The following CHD6 variants were observed in gnomAD, a reference collection of about 807,000 sequenced individuals.
CHD6 encodes ATP-dependent chromatin remodeler CHD6.
Under a neutral mutation model 276.9 loss-of-function variants are expected in CHD6, and 50 were observed. The ratio of observed to expected loss-of-function variants is 0.18; its 90% CI spans 0.14 to 0.23. The LOEUF (loss-of-function observed/expected upper bound fraction) is 0.23, where lower values mean the gene tolerates loss of function less well. Among genes scored for constraint, CHD6 ranks in the 10% least tolerant of loss-of-function variants. CHD6 has a pLI of 1.00. For missense variants in CHD6, 2,564 were observed against 3,365.8 expected (o/e 0.76, Z 5.89); for synonymous variants, 1,173 against 1,229.3 (o/e 0.95, Z 0.96).
At chr20:41,580,051 A>G (rs1294852360) in intron 1 of CHD6, among the ~76,000 whole-genome samples, 1 of 152,230 alleles carries the variant, frequency 6.6e-6, no homozygotes, top group Non-Finnish European at 1.5e-5. Context: ...TTAACTGACT[A>G]TATCATAGAT....
chr20:41,424,885 C>T (rs1160037032), intron 29 of CHD6, among the ~76,000 whole-genome samples: 1 of 152,218 alleles, frequency 6.6e-6, no homozygotes, highest in Non-Finnish European at 1.5e-5. Context: ...TGACACATTC[C>T]ATTGTGGTGT....
At chr20:41,438,977 T>A (rs2047808470) in intron 26 of CHD6, among the ~76,000 whole-genome samples, 1 of 152,230 alleles carries the variant, frequency 6.6e-6, no homozygotes, top group Non-Finnish European at 1.5e-5. Context: ...CAGTGCCACA[T>A]TCTCAGGTCT....
chr20:41,405,756 G>T (rs1461588227), intron 36 of CHD6, among the ~76,000 whole-genome samples: 1 of 152,102 alleles, frequency 6.6e-6, no homozygotes, highest in African/African-American at 2.4e-5. Context: ...CATGCTGACT[G>T]GCAAAAGTGG....
At chr20:41,546,797 T>C (rs1194568053) in intron 2 of CHD6, among the ~76,000 whole-genome samples, 1 of 152,250 alleles carries the variant, frequency 6.6e-6, no homozygotes, top group Non-Finnish European at 1.5e-5. Context: ...TTAATGTAGA[T>C]AAAAGTCTAT....
At chr20:41,553,704 T>C (rs1355340617) in intron 1 of CHD6, among the ~76,000 whole-genome samples, 1 of 152,256 alleles carries the variant, frequency 6.6e-6, no homozygotes, top group Non-Finnish European at 1.5e-5. Context: ...TGCGATTGCG[T>C]ACCCTTTCTG....
At chr20:41,612,416 T>C (rs2045895770) in intron 1 of CHD6, among the ~76,000 whole-genome samples, 1 of 152,216 alleles carries the variant, frequency 6.6e-6, no homozygotes, top group African/African-American at 2.4e-5. Flanking sequence ...CTAAATCCCT[T>C]AAGTGATATT....
At chr20:41,568,431 T>C (rs1403747403) in intron 1 of CHD6, among the ~76,000 whole-genome samples, 4 of 152,226 alleles carry the variant, frequency 2.6e-5, no homozygotes, top group Non-Finnish European at 5.9e-5. Flanking sequence ...AGACAATACT[T>C]AGCAGAGAAA....
Position 41,533,158 on chromosome 20 carries a change from T to C in CHD6, c.446A>G (p.Asp149Gly), listed in dbSNP as rs572870848. 1.5e-5 allele frequency: 24 copies of C among 1,614,156 alleles called. No homozygotes were observed. Among genetic ancestry groups the C allele is most frequent in the Non-Finnish European group, 2.0e-5 (24 of 1,180,042 alleles). The change falls in exon 3 of 37, where the codon GAT becomes GGT. Residue 149 changes from aspartate to glycine, a missense_variant. Around this residue, in one of 7 missense-constraint regions of CHD6, gnomAD observed 286 missense variants for 297.8 expected, o/e 0.96. Transcript: ENST00000373233. ...GGGCTTCCGTGCCTTCTTTGCCCCA[T>C]CTTTTTGCTTCGGCTCCTTGTGCTC... ...AKEHKEPKQK[D>G]GAKKARKPRE... is the part of the protein sequence containing the mutation.
In CHD6 at chr20:41,456,103, T is replaced by A. The variant is rs867312212; in HGVS notation, c.2830-124A>T. 102 of 902,472 alleles carry A rather than the reference T, an allele frequency of 1.1e-4. 1 individual carries two copies. In the Middle Eastern group the frequency reaches 4.4e-3, roughly 39 times the overall value. 55.9% of individuals were successfully genotyped at this position (902,472 alleles called of 1,614,324 possible). A position where few individuals can be genotyped will look rare whatever the true frequency, so the allele number is the denominator to read the frequency against. ...GAACTACATGTTAGAACAAAGGACG[T>A]GGGCAACAAACTTCAGCTAGTGAAA... is the stretch of plus-strand genomic sequence containing the variant. On this transcript the variant is annotated intron_variant, in intron 18 of 36. Transcript: ENST00000373233.
In CHD6 at chr20:41,551,756, T is replaced by C. The variant is rs560761057; in HGVS notation, c.-23-396A>G. Among the ~76,000 whole-genome samples the C allele has an allele frequency of 3.5e-3, 540 of 152,170 alleles. 2 individuals are homozygous for C. The highest frequency in any genetic ancestry group is 5.3e-3 in the Non-Finnish European group (361 of 67,992). On this transcript the variant is annotated intron_variant, in intron 1 of 36. Coordinates refer to ENST00000373233, the MANE Select transcript of CHD6 (RefSeq NM_032221.5). ...AGAAAACAATCAATGATGTCTACAA[T>C]GGAAAAATCAAGAAAGAGAAATACA...
intron 19 of CHD6, 72 bp from the exon 20 acceptor site, chr20:41,454,808 C>A: frequency 1.0e-6 from 1 of 977,200 alleles, no homozygotes; most frequent in South Asian, 1.5e-5. Context: ...AGTGTTACTT[C>A]AAGAGAAACC....
Position 41,415,365 on chromosome 20 carries a change from T to C in CHD6, c.6760A>G (p.Met2254Val), listed in dbSNP as rs534005191. The C allele has an allele frequency of 1.2e-6, 2 of 1,614,068 alleles. No homozygotes were observed. The highest frequency in any genetic ancestry group is 2.2e-5 in the South Asian group (2 of 91,060). The change falls in exon 34 of 37, where the codon ATG becomes GTG. Residue 2254 changes from methionine to valine, a missense_variant. Transcript: ENST00000373233. ...GCTTGCAGAATCCCAGACAAGTCCATGCCAAGGGCTCCCTGAAGTGAACTG... is the reference window on the plus strand; with the variant it reads ...GCTTGCAGAATCCCAGACAAGTCCACGCCAAGGGCTCCCTGAAGTGAACTG... ...AISSLQGALGMDLSGILQAGL... is the reference protein window; with the variant it reads ...AISSLQGALGVDLSGILQAGL...
Position 41,413,445 on chromosome 20 carries a change from G to C in CHD6, c.7010C>G (p.Ser2337Trp). ...THPEGPGPAT[S>W]APEPATAASS... ...GGCTGCCGTAGCTGGCTCAGGAGCC[G>C]AGGTGGCAGGCCCTGGCCCCTCAGG... is the stretch of plus-strand genomic sequence containing the variant. Residue 2337 changes from serine (S) to tryptophan (W), a missense_variant, in exon 35 of 37, where the codon TCG (serine) becomes TGG (tryptophan). Around this residue, in one of 7 missense-constraint regions of CHD6, gnomAD observed 1,024 missense variants for 1,047.9 expected, o/e 0.98. Transcript: ENST00000373233. 6.2e-7 allele frequency: 1 copy of C among 1,611,092 alleles called. No homozygotes were observed. Among genetic ancestry groups the C allele is most frequent in the Non-Finnish European group, 8.5e-7 (1 of 1,179,428 alleles).
chr20:41,583,805 A>T (rs1364556064), intron 1 of CHD6, among the ~76,000 whole-genome samples: 1 of 152,220 alleles, frequency 6.6e-6, no homozygotes, highest in Non-Finnish European at 1.5e-5. Flanking sequence ...TATGAGAAGT[A>T]GTATAATATG....
intron 1 of CHD6, among the ~76,000 whole-genome samples, chr20:41,561,543 A>G (rs959284144): frequency 2.0e-5 from 3 of 151,372 alleles, no homozygotes; most frequent in Admixed American, 1.3e-4. Flanking sequence ...CCTCCCAGAG[A>G]CTCACTCCCT....
At chr20:41,578,867 GA>G (rs144132030) in intron 1 of CHD6, among the ~76,000 whole-genome samples, 114 of 143,518 alleles carry the variant, frequency 7.9e-4, no homozygotes, top group African/African-American at 1.6e-3. Context: ...CCATTAGAAA[GA>G]AAAAAAAAAA....
At chr20:41,407,024 G>T (rs961527921) in intron 36 of CHD6, among the ~76,000 whole-genome samples, 1 of 152,174 alleles carries the variant, frequency 6.6e-6, no homozygotes, top group Non-Finnish European at 1.5e-5. Flanking sequence ...GTTCAGAGTG[G>T]CTTCAATGGA....
intron 2 of CHD6, among the ~76,000 whole-genome samples, chr20:41,541,272 G>C (rs939504596): frequency 5.3e-5 from 8 of 152,144 alleles, no homozygotes; most frequent in African/African-American, 9.7e-5. Context: ...TTTATGATGG[G>C]TTTGTCAGGA....
At chr20:41,481,234 A>G (rs186712297) in intron 16 of CHD6, among the ~76,000 whole-genome samples, 12 of 152,132 alleles carry the variant, frequency 7.9e-5, no homozygotes, top group Admixed American at 7.8e-4. Flanking sequence ...AAAAGGATTT[A>G]AAGTTGTTTT....
Sources: gnomAD v4.1 joint callset for allele counts (sites outside exome capture counted in the v4.1 genomes callset) on GRCh38, gnomAD v4.1.1 for gene constraint, gnomAD v4.1.1 regional missense constraint, MANE v1.5 for transcripts, NCBI Gene and HGNC (gene_info 2026-07-23, HGNC 2026-07-21) for gene names.